Variants in TNS1 observed in about 807,000 individuals in gnomAD.
TNS1 encodes tensin 1, also known as tensin-1.
Under a neutral mutation model 168.6 loss-of-function variants are expected in TNS1, and 62 were observed. The observed-to-expected ratio is 0.37, with a 90% CI of 0.30 to 0.45. TNS1 has a LOEUF of 0.45. Among genes scored for constraint, TNS1 ranks in the 20% least tolerant of loss-of-function variants. TNS1 has a pLI of 1.00. For synonymous variants in TNS1, 934 were observed against 933.2 expected (o/e 1.00, Z -0.02); for missense variants, 2,240 against 2,339.4 (o/e 0.96, Z 0.88).
At chr2:217,911,674 G>C (rs1954424490) in intron 4 of TNS1, among the ~76,000 whole-genome samples, 1 of 152,152 alleles carries the variant, frequency 6.6e-6, no homozygotes, top group African/African-American at 2.4e-5. Flanking sequence ...AGGAAACTGA[G>C]GGCCTGGGAG....
At chr2:217,875,606 T>C (rs575946372) in intron 18 of TNS1, among the ~76,000 whole-genome samples, 1 of 152,268 alleles carries the variant, frequency 6.6e-6, no homozygotes, top group South Asian at 2.1e-4. Flanking sequence ...ATTTATTTCT[T>C]TCTCCTTCTT....
intron 32 of TNS1, among the ~76,000 whole-genome samples, chr2:217,805,747 C>T (rs950487933): frequency 8.3e-5 from 3 of 36,204 alleles, no homozygotes; most frequent in South Asian, 1.0e-3. Flanking sequence ...ACACATACCA[C>T]CACACATACA....
chr2:217,914,556 G>T (rs772068157), intron 4 of TNS1, among the ~76,000 whole-genome samples: 2 of 152,198 alleles, frequency 1.3e-5, no homozygotes, highest in Admixed American at 6.5e-5. Context: ...TCTGTCGCCA[G>T]ACTGGAGTGC....
rs764052752 is a variant in TNS1 at position 217,818,498 on chromosome 2, C to T, written c.3834G>A (p.Val1278=). 23 of 1,614,234 alleles carry T rather than the reference C, an allele frequency of 1.4e-5. No homozygotes were observed. The highest frequency in any genetic ancestry group is 1.8e-5 in the Non-Finnish European group (21 of 1,180,046). ...AQFSVAGVHT[V]PGSPQARHRT... The stretch of plus-strand genomic sequence containing the variant: ...TGTGGCGCGCCTGAGGGCTCCCAGG[C>T]ACCGTGTGGACGCCAGCCACACTGA... The change falls in exon 24 of 33, where the codon GTG becomes GTA. Residue 1278 remains valine, a synonymous_variant. Coordinates refer to ENST00000682258, the MANE Select transcript of TNS1 (RefSeq NM_001387777.1).
In TNS1 at chr2:217,814,454, C is replaced by T. The variant is rs567861880; in HGVS notation, c.4729+458G>A. Among the ~76,000 whole-genome samples, 117 of 152,258 alleles carry T rather than the reference C, an allele frequency of 7.7e-4. 1 individual carries two copies. In the South Asian group the frequency reaches 0.024, roughly 31 times the overall value. Reference sequence around the variant, plus strand: ...GGATGCAAGCCAGCAGGTGTGGGGGCGCCCCAGTAAAACTTCATTTACAAA... The same window carrying T: ...GGATGCAAGCCAGCAGGTGTGGGGGTGCCCCAGTAAAACTTCATTTACAAA... On this transcript the variant is annotated intron_variant, in intron 25 of 32. Coordinates refer to ENST00000682258, the MANE Select transcript of TNS1 (RefSeq NM_001387777.1).
intron 11 of TNS1, among the ~76,000 whole-genome samples, chr2:217,892,590 C>A (rs1951849028): frequency 1.3e-5 from 2 of 152,168 alleles, no homozygotes; most frequent in South Asian, 4.1e-4. Flanking sequence ...TTTGCCAGAC[C>A]CAGATCTGAT....
chr2:218,024,959 G>A (rs374000435), intron 1 of TNS1, among the ~76,000 whole-genome samples: 3 of 152,214 alleles, frequency 2.0e-5, no homozygotes, highest in Non-Finnish European at 2.9e-5. Context: ...ACTGAGGAAA[G>A]GGATATTAAC....
rs1484399206 is a variant in TNS1, at chr2:217,804,355, T to C, written c.*104A>G. The C allele has an allele frequency of 2.7e-6, 4 of 1,459,548 alleles. No individual in the cohort carries two copies. The highest frequency in any genetic ancestry group is 2.1e-5 in the Admixed American group (1 of 48,040). The allele number at this position is 1,459,548 out of a possible 1,614,324, so 90.4% of individuals were successfully genotyped here. A position where few individuals can be genotyped will look rare whatever the true frequency, so the allele number is the denominator to read the frequency against. Reference sequence around the variant, plus strand: ...TTGCACTTTCTTCTCTCCTCCGAAATTGGCCCAAAGTCCTCCTTCTGGGTT... The same window carrying C: ...TTGCACTTTCTTCTCTCCTCCGAAACTGGCCCAAAGTCCTCCTTCTGGGTT... On this transcript the variant is annotated 3_prime_UTR_variant, in exon 33 of 33. Transcript: ENST00000682258.
chr2:217,804,898 G>T (rs1938171733), intron 32 of TNS1, among the ~76,000 whole-genome samples: 10 of 152,082 alleles, frequency 6.6e-5, no homozygotes, highest in Admixed American at 6.5e-4. Flanking sequence ...GTGAGGGGTG[G>T]GGAGGAGACC....
rs1942316584 is a variant in TNS1 at position 217,818,619 on chromosome 2, G to T, written c.3713C>A (p.Ser1238Tyr). The T allele has an allele frequency of 6.2e-7, 1 of 1,614,206 alleles. No homozygotes were observed. Among genetic ancestry groups the T allele is most frequent in the Non-Finnish European group, 8.5e-7 (1 of 1,180,032 alleles). Residue 1238 changes from serine (S) to tyrosine (Y), a missense_variant, in exon 24 of 33, where the codon TCT (serine) becomes TAT (tyrosine). Around this residue, in one of 2 missense-constraint regions of TNS1, gnomAD observed 2,131 missense variants for 2,171.2 expected, o/e 0.98. Transcript: ENST00000682258. Reference protein sequence around the residue: ...SPSAQRNYQSSSPLPTVGSSY... With the variant: ...SPSAQRNYQSYSPLPTVGSSY... ...ACTGCCCACAGTCGGGAGAGGAGAA[G>T]AGCTCTGGTAGTTTCTCTGGGCAGA...
chr2:218,026,788 G>A (rs1347336285), intron 1 of TNS1, among the ~76,000 whole-genome samples: 1 of 152,198 alleles, frequency 6.6e-6, no homozygotes, highest in Non-Finnish European at 1.5e-5. Flanking sequence ...AACCCTCAAG[G>A]GCAGGGCAGA....
In TNS1 at chr2:217,893,417, C is replaced by G. The variant is rs200889707; in HGVS notation, c.717+22G>C. The G allele has an allele frequency of 8.4e-5, 133 of 1,587,590 alleles. No individual in the cohort carries two copies. In the East Asian group the frequency reaches 2.3e-3, roughly 27 times the overall value. On this transcript the variant is annotated intron_variant, in intron 10 of 32. Transcript: ENST00000682258. ...GCGCGCGCGCACACACACACACACACACACACACACACAGCTCTGACCTTG... is the reference window on the plus strand; with the variant it reads ...GCGCGCGCGCACACACACACACACAGACACACACACACAGCTCTGACCTTG...
At chr2:218,001,207 ACAGCTGCC>A (rs1958556747) in intron 1 of TNS1, among the ~76,000 whole-genome samples, 1 of 152,064 alleles carries the variant, frequency 6.6e-6, no homozygotes, top group South Asian at 2.1e-4. Flanking sequence ...AGCAGCACTC[ACAGCTGCC>A]TTGGTCCCCA....
chr2:217,820,938 C>T (rs1942753450), intron 23 of TNS1, among the ~76,000 whole-genome samples: 1 of 152,176 alleles, frequency 6.6e-6, no homozygotes, highest in Non-Finnish European at 1.5e-5. Context: ...CTCAGCCTCA[C>T]ACTCCCAACA....
chr2:217,894,718 A>G (rs1033795316), intron 9 of TNS1, among the ~76,000 whole-genome samples: 1 of 152,136 alleles, frequency 6.6e-6, no homozygotes, highest in African/African-American at 2.4e-5. Flanking sequence ...GCGGCTCCCA[A>G]CTGCTTTAAA....
intron 18 of TNS1, among the ~76,000 whole-genome samples, chr2:217,874,121 A>G (rs1180933066): frequency 2.0e-5 from 3 of 149,652 alleles, no homozygotes; most frequent in South Asian, 2.1e-4. Flanking sequence ...GTATTTATTT[A>G]TTACCCACCA....
intron 22 of TNS1, chr2:217,830,438 A>G: frequency 6.2e-7 from 1 of 1,606,800 alleles, no homozygotes; most frequent in Non-Finnish European, 8.5e-7. Flanking sequence ...CCCAGCCCTA[A>G]AACCAGAGTC....
Position 218,033,365 on chromosome 2 carries a change from C to T in TNS1, c.156+455G>A, listed in dbSNP as rs1958916052. ...AGGCAGGGGTGAGAGGCCAGCCTGT[C>T]CCCACCATCCTGGGGAAGTCCTTGC... On this transcript the variant is annotated intron_variant, in intron 1 of 1. Coordinates refer to the TNS1 transcript ENST00000649572. This position sits in a 1 kb window ranked among gnomAD's most constrained non-coding sequence, Gnocchi z 4.3. Among the ~76,000 whole-genome samples, 1 of 152,114 alleles carries T rather than the reference C, an allele frequency of 6.6e-6. No homozygotes were observed. The highest frequency in any genetic ancestry group is 2.4e-5 in the African/African-American group (1 of 41,410).
At chr2:217,902,662 G>A (rs1953148428) in intron 6 of TNS1, among the ~76,000 whole-genome samples, 1 of 152,092 alleles carries the variant, frequency 6.6e-6, no homozygotes, top group Non-Finnish European at 1.5e-5. Flanking sequence ...CCCAAACAGA[G>A]TCTGGCCAGG....
Sources: allele counts gnomAD v4.1 joint callset (sites outside exome capture counted in the v4.1 genomes callset), GRCh38; gene constraint gnomAD v4.1.1; regional missense constraint gnomAD v4.1.1; non-coding constraint Gnocchi (gnomAD v3.1); transcripts MANE v1.5; gene names NCBI Gene and HGNC (gene_info 2026-07-23, HGNC 2026-07-21).